The following C1orf87 variants were observed in gnomAD, a reference collection of about 807,000 sequenced individuals.
The protein encoded by C1orf87 is uncharacterized protein C1orf87.
Under a neutral mutation model 60.5 loss-of-function variants are expected in C1orf87, and 58 were observed. The observed-to-expected ratio is 0.96, with a 90% CI of 0.78 to 1.19. C1orf87 has a LOEUF of 1.19. C1orf87 is among the 50% of genes most tolerant of loss of function. The pLI, the probability that C1orf87 is intolerant of heterozygous loss-of-function variation, is 0.00. For synonymous variants in C1orf87, 236 were observed against 227.4 expected (o/e 1.04, Z -0.34); for missense variants, 673 against 638.6 (o/e 1.05, Z -0.58).
intron 2 of C1orf87, among the ~76,000 whole-genome samples, chr1:60,060,170 T>C (rs1165734869): frequency 1.3e-5 from 2 of 151,874 alleles, no homozygotes; most frequent in Non-Finnish European, 2.9e-5. Flanking sequence ...CAAAAAAATA[T>C]GTTCATTCAA....
chr1:59,998,675 A>G lies in C1orf87; in HGVS notation c.1273-859T>C, dbSNP rs566535745. ...CTAATACAAAATGAACCAAAAACCC[A>G]TTGTCCAGGAATTTTGGTACTATTT... is the stretch of plus-strand genomic sequence containing the variant. On this transcript the variant is annotated intron_variant, in intron 10 of 11. Coordinates refer to ENST00000371201, the MANE Select transcript of C1orf87 (RefSeq NM_152377.3). Among the ~76,000 whole-genome samples, 18 of 152,210 alleles carry G rather than the reference A, an allele frequency of 1.2e-4. No individual in the cohort carries two copies. In the South Asian group the frequency reaches 3.7e-3, roughly 32 times the overall value.
intron 6 of C1orf87, among the ~76,000 whole-genome samples, chr1:60,036,013 G>T (rs1170897000): frequency 5.3e-5 from 8 of 152,154 alleles, no homozygotes; most frequent in Non-Finnish European, 1.2e-4. Context: ...CTACCGCATG[G>T]TCTATGACCT....
chr1:60,060,680 G>T (rs1006294246), intron 2 of C1orf87, among the ~76,000 whole-genome samples: 1 of 151,898 alleles, frequency 6.6e-6, no homozygotes, highest in African/African-American at 2.4e-5. Flanking sequence ...ACAAATTTTA[G>T]AAATCACCCC....
chr1:60,044,265 C>T (rs889391459), intron 3 of C1orf87, among the ~76,000 whole-genome samples: 3 of 151,944 alleles, frequency 2.0e-5, no homozygotes, highest in Non-Finnish European at 2.9e-5. Context: ...CTCCTGACCT[C>T]GTGATCTGCC....
rs113646868 is a variant in C1orf87, at chr1:59,990,438, T to C, written c.*235A>G. ...TATTAAAACAGAAGGAGATTCTAAG[T>C]AGCTGGGTTCTTGCCACATCAAAAG... On this transcript the variant is annotated 3_prime_UTR_variant, in exon 12 of 12. Transcript: ENST00000371201. The C allele has an allele frequency of 9.6e-3, 3,135 of 325,966 alleles. 25 individuals carry two copies. The highest frequency in any genetic ancestry group is 0.038 in the East Asian group (761 of 20,118). 20.2% of individuals were successfully genotyped at this position (325,966 alleles called of 1,614,324 possible). A position where few individuals can be genotyped will look rare whatever the true frequency, so the allele number is the denominator to read the frequency against.
At position 60,040,036 on chromosome 1, in the gene C1orf87, A is replaced by G; in HGVS notation, c.628T>C (p.Ser210Pro). The change falls in exon 5 of 12, where the codon TCA (serine) becomes CCA (proline). Residue 210 changes from serine (S) to proline (P), a missense_variant. Physicochemically the swap from Ser to Pro is moderately conservative, Grantham distance 74. Transcript: ENST00000371201. ...AGCTGAGATTGGAGAAGAAATCCTG[A>G]AGAGATTGGGTCCAGGATCTTCAGC... ...KELKILDPIS[S>P]GFLLQSQLSR... 6.2e-7 allele frequency: 1 copy of G among 1,614,214 alleles called. No individual in the cohort carries two copies. The highest frequency in any genetic ancestry group is 1.1e-5 in the South Asian group (1 of 91,084).
chr1:60,065,427 G>T (rs1377586864), intron 2 of C1orf87, among the ~76,000 whole-genome samples: 1 of 152,018 alleles, frequency 6.6e-6, no homozygotes, highest in East Asian at 1.9e-4. Flanking sequence ...GCTTATCTCT[G>T]CACTGTCTCA....
chr1:60,051,773 G>A lies in C1orf87; in HGVS notation c.342+3431C>T, dbSNP rs189547724. ...AAAATGGTGGTCTGATTAAGGTGAT[G>A]ACAAGGAAAATAAAAGAAAGATAAG... On this transcript the variant is annotated intron_variant, in intron 3 of 11. Transcript: ENST00000371201. Among the ~76,000 whole-genome samples, 111 of 152,294 alleles carry A rather than the reference G, an allele frequency of 7.3e-4. 1 individual carries two copies. Among genetic ancestry groups the A allele is most frequent in the South Asian group, 3.5e-3 (17 of 4,822 alleles).
At chr1:60,023,940 A>C (rs1645181365) in intron 8 of C1orf87, among the ~76,000 whole-genome samples, 1 of 152,084 alleles carries the variant, frequency 6.6e-6, no homozygotes, top group South Asian at 2.1e-4. Flanking sequence ...TGCAGGGGAG[A>C]AGACATTGTA....
chr1:60,035,785 CAGGAACTATGTT>C (rs1252075026), intron 6 of C1orf87, among the ~76,000 whole-genome samples: 2 of 152,160 alleles, frequency 1.3e-5, no homozygotes, highest in East Asian at 3.8e-4. Flanking sequence ...TTCTGTATGC[CAGGAACTATGTT>C]AGAACTATGC....
intron 9 of C1orf87, chr1:60,008,632 C>T: frequency 2.2e-6 from 1 of 447,394 alleles, no homozygotes; most frequent in Non-Finnish European, 4.5e-6. Context: ...CATGTGAGGA[C>T]ACATCAAGTA....
rs371902567 is a variant in C1orf87, at chr1:60,013,257, G to T, written c.1128-2801C>A. ...TAGTTTTCTTTTTCACAATACCAAG[G>T]CCTCTTAGGTTGAATCTCTATTCTG... On this transcript the variant is annotated intron_variant, in intron 8 of 11. Transcript: ENST00000371201. Among the ~76,000 whole-genome samples the T allele has an allele frequency of 2.0e-4, 30 of 151,920 alleles. 1 individual carries two copies. The highest frequency in any genetic ancestry group is 3.4e-3 in the Middle Eastern group (1 of 294).
In C1orf87 at chr1:60,033,519, C is replaced by G. The variant is rs772529746; in HGVS notation, c.986G>C (p.Arg329Pro). The G allele has an allele frequency of 6.2e-7, 1 of 1,613,816 alleles. No individual in the cohort carries two copies. Among genetic ancestry groups the G allele is most frequent in the Admixed American group, 1.7e-5 (1 of 59,978 alleles). The change falls in exon 7 of 12, where the codon CGA becomes CCA. Residue 329 changes from arginine (R) to proline (P), a missense_variant. By Grantham distance (103) the Arg-to-Pro change is moderately radical. Transcript: ENST00000371201. ...LNIDNLNLSFRKEDRSFSGCL... is the reference protein window; with the variant it reads ...LNIDNLNLSFPKEDRSFSGCL... ...GCCAGAGAACGAGCGATCTTCTTTT[C>G]GAAAACTCAGATTGAGATTGTCTAT...
At chr1:59,992,351 G>A (rs1644930424) in intron 11 of C1orf87, among the ~76,000 whole-genome samples, 1 of 151,896 alleles carries the variant, frequency 6.6e-6, no homozygotes, top group Non-Finnish European at 1.5e-5. Flanking sequence ...GATCTCCTGG[G>A]CTCAAGGGAT....
chr1:60,003,580 A>T (rs1645022928), intron 9 of C1orf87, among the ~76,000 whole-genome samples: 1 of 152,110 alleles, frequency 6.6e-6, no homozygotes, highest in Non-Finnish European at 1.5e-5. Context: ...TATTTTTACA[A>T]ATAAATTCAC....
chr1:60,017,506 T>C (rs917948721), intron 8 of C1orf87, among the ~76,000 whole-genome samples: 5 of 152,124 alleles, frequency 3.3e-5, no homozygotes, highest in Admixed American at 3.3e-4. Context: ...ATTTATCCCT[T>C]CCCCCAACAC....
intron 9 of C1orf87, chr1:60,008,671 A>G (rs41287724): frequency 6.6e-6 from 3 of 456,146 alleles, no homozygotes; most frequent in Admixed American, 2.4e-5. Flanking sequence ...AGCTACTGCT[A>G]TAATGTTTTT....
At chr1:59,993,056 T>G (rs565910121) in intron 11 of C1orf87, among the ~76,000 whole-genome samples, 11 of 152,150 alleles carry the variant, frequency 7.2e-5, no homozygotes, top group African/African-American at 2.6e-4. Flanking sequence ...ATATAAGACA[T>G]GGATTTGGAA....
chr1:60,030,847 T>A (rs1286591688), intron 7 of C1orf87, among the ~76,000 whole-genome samples: 1 of 152,252 alleles, frequency 6.6e-6, no homozygotes, highest in Non-Finnish European at 1.5e-5. Flanking sequence ...GTCCGCAGAA[T>A]GAAGATGACA....
Sources: allele counts gnomAD v4.1 joint callset (sites outside exome capture counted in the v4.1 genomes callset), GRCh38; gene constraint gnomAD v4.1.1; transcripts MANE v1.5; gene names NCBI Gene and HGNC (gene_info 2026-07-23, HGNC 2026-07-21).